RBP2: variants seen among roughly 807,000 people sequenced by gnomAD.
RBP2 encodes retinol binding protein 2, also known as retinol-binding protein 2.
Under a neutral mutation model 17.0 loss-of-function variants are expected in RBP2, and 17 were observed. That is an observed-to-expected ratio of 1.00 (90% confidence interval 0.68 to 1.50). RBP2 has a LOEUF of 1.50. Ranked by LOEUF, RBP2 falls within the 40% of genes most tolerant of loss-of-function variation. RBP2 has a pLI of 0.00. For missense variants in RBP2, 158 were observed against 168.2 expected, an observed-to-expected ratio of 0.94 and a Z score of 0.33; for synonymous variants, 48 against 57.1, an observed-to-expected ratio of 0.84 and a Z score of 0.72.
chr3:139,458,907 G>T lies in RBP2; in HGVS notation c.252+3205C>A, dbSNP rs114625795. 4.4e-3 allele frequency among the ~76,000 whole-genome samples: 675 copies of T among 152,228 alleles called. 7 individuals are homozygous for T. Among genetic ancestry groups the T allele is most frequent in the African/African-American group, 0.016 (657 of 41,532 alleles). On this transcript the variant is annotated intron_variant, in intron 2 of 3. Coordinates refer to ENST00000232217, the MANE Select transcript of RBP2 (RefSeq NM_004164.3). ...TTGGAAGGGGCTTTAACTTCTCTTA[G>T]AAATCAGCCAGGATAGGAAGTTGGG...
intron 2 of RBP2, 31 bp downstream of exon 2, chr3:139,462,081 G>A (rs1326056493): frequency 1.3e-6 from 2 of 1,599,366 alleles, no homozygotes; most frequent in Non-Finnish European, 1.7e-6. Context: ...CACAGAATGT[G>A]TGAATGAAAA....
intron 1 of RBP2, among the ~76,000 whole-genome samples, chr3:139,468,073 A>G (rs1933423470): frequency 6.6e-6 from 1 of 152,244 alleles, no homozygotes; most frequent in East Asian, 1.9e-4. Context: ...TCTGTTAACC[A>G]TAACCAGAAG....
chr3:139,474,981 T>C (rs558404212), intron 1 of RBP2, among the ~76,000 whole-genome samples: 7 of 152,114 alleles, frequency 4.6e-5, no homozygotes, highest in African/African-American at 1.7e-4. Flanking sequence ...AAAATCCTGC[T>C]AACCAGAATG....
At chr3:139,475,346 AAAG>A (rs1242305795) in intron 1 of RBP2, among the ~76,000 whole-genome samples, 2 of 151,258 alleles carry the variant, frequency 1.3e-5, no homozygotes, top group Non-Finnish European at 2.9e-5. Flanking sequence ...AAAAAAAAAA[AAAG>A]AACATGAAGA....
intron 3 of RBP2, among the ~76,000 whole-genome samples, chr3:139,453,532 G>T (rs1450629196): frequency 2.6e-5 from 4 of 152,242 alleles, no homozygotes; most frequent in Non-Finnish European, 5.9e-5. Context: ...GGCCTGAAAA[G>T]ATGCTGGCCA....
chr3:139,464,940 G>C (rs1933308578), intron 1 of RBP2, among the ~76,000 whole-genome samples: 1 of 152,134 alleles, frequency 6.6e-6, no homozygotes, highest in Non-Finnish European at 1.5e-5. Flanking sequence ...TTGTCCATAG[G>C]AGGCTGTTTG....
At chr3:139,469,728 TCTATCTAC>T (rs1367613572) in intron 1 of RBP2, among the ~76,000 whole-genome samples, 5 of 150,646 alleles carry the variant, frequency 3.3e-5, no homozygotes, top group African/African-American at 1.2e-4. Flanking sequence ...TATCTATCTA[TCTATCTAC>T]CTACTCATTT....
chr3:139,460,653 G>A (rs1933154914), intron 2 of RBP2, among the ~76,000 whole-genome samples: 1 of 152,154 alleles, frequency 6.6e-6, no homozygotes, highest in Non-Finnish European at 1.5e-5. Flanking sequence ...GAGTCTCTGG[G>A]TAGTGGCCTG....
At chr3:139,458,735 C>T (rs749850620) in intron 2 of RBP2, among the ~76,000 whole-genome samples, 20 of 152,336 alleles carry the variant, frequency 1.3e-4, no homozygotes, top group Middle Eastern at 3.4e-3. Flanking sequence ...GCTTCTCTCA[C>T]TTAGCTCGTT....
chr3:139,475,324 T>TAAAAAAAAAAA (rs397941333), intron 1 of RBP2, among the ~76,000 whole-genome samples: 3 of 71,600 alleles, frequency 4.2e-5, no homozygotes, highest in Admixed American at 2.0e-4. Context: ...GTCCCCAAAA[T>TAAAAAAAAAAA]AAAAAAAAAA....
chr3:139,463,579 C>T (rs894035682), intron 1 of RBP2, among the ~76,000 whole-genome samples: 1 of 152,158 alleles, frequency 6.6e-6, no homozygotes, highest in African/African-American at 2.4e-5. Flanking sequence ...ATGTCCTAAG[C>T]GTTGCATATT....
chr3:139,465,834 G>A (rs1933339469), intron 1 of RBP2, among the ~76,000 whole-genome samples: 1 of 152,160 alleles, frequency 6.6e-6, no homozygotes, highest in South Asian at 2.1e-4. Flanking sequence ...ACATTATCTG[G>A]CAGCTCATTT....
Position 139,462,096 on chromosome 3 carries a change from C to A in RBP2, c.252+16G>T. 1 of 1,606,618 alleles carries A rather than the reference C, an allele frequency of 6.2e-7. No individual in the cohort carries two copies. Among genetic ancestry groups the A allele is most frequent in the South Asian group, 1.1e-5 (1 of 90,592 alleles). On this transcript the variant is annotated intron_variant, in intron 2 of 3. Coordinates refer to ENST00000232217, the MANE Select transcript of RBP2 (RefSeq NM_004164.3). ...CACAGAATGTGTGAATGAAAAACAC[C>A]AGCCCCGGTCAGTACCTTAACATGC... is the stretch of plus-strand genomic sequence containing the variant.
At chr3:139,459,398 A>G (rs542678114) in intron 2 of RBP2, among the ~76,000 whole-genome samples, 323 of 36,172 alleles carry the variant, frequency 8.9e-3, no homozygotes, top group Non-Finnish European at 0.016. Context: ...TCTACTATAT[A>G]TATGTGTGTG....
In RBP2 at chr3:139,454,816, C is replaced by T; in HGVS notation, c.267G>A (p.Trp89Ter). The T allele has an allele frequency of 6.2e-7, 1 of 1,614,100 alleles. No homozygotes were observed. Among genetic ancestry groups the T allele is most frequent in the Non-Finnish European group, 8.5e-7 (1 of 1,179,926 alleles). The change falls in exon 3 of 4, where the codon TGG becomes TGA. Residue 89 changes from tryptophan to a stop codon, truncating the protein, a stop_gained. Coordinates refer to ENST00000232217, the MANE Select transcript of RBP2 (RefSeq NM_004164.3). LOFTEE classifies it high-confidence loss of function. ...DNRHVKALVT[W>*]EGDVLVCVQK... is the part of the protein sequence containing the mutation. ...GCACACACACAAGGACATCACCTTC[C>T]CAGGTGACCAGTGCCTGTAAAGACA...
chr3:139,459,541 T>G (rs1933113464), intron 2 of RBP2, among the ~76,000 whole-genome samples: 1 of 150,610 alleles, frequency 6.6e-6, no homozygotes, highest in Non-Finnish European at 1.5e-5. Flanking sequence ...GAGAATTGCT[T>G]GAACCTGGGA....
At chr3:139,458,823 C>A (rs1278451379) in intron 2 of RBP2, among the ~76,000 whole-genome samples, 1 of 152,222 alleles carries the variant, frequency 6.6e-6, no homozygotes, top group East Asian at 1.9e-4. Context: ...CATTCCATTA[C>A]ATGGGTATCA....
intron 3 of RBP2, 66 bp downstream of exon 3, chr3:139,454,663 G>A: frequency 6.7e-7 from 1 of 1,494,142 alleles, no homozygotes; most frequent in South Asian, 1.1e-5. Context: ...CAAAACACCT[G>A]GCTAGGTGAC....
chr3:139,464,179 T>C, intron 1 of RBP2, among the ~76,000 whole-genome samples: 1 of 152,184 alleles, frequency 6.6e-6, no homozygotes, highest in African/African-American at 2.4e-5. Context: ...CTTCTTTGGG[T>C]CTGGGCCTGG....
Sources: allele counts gnomAD v4.1 joint callset (sites outside exome capture counted in the v4.1 genomes callset), GRCh38; gene constraint gnomAD v4.1.1; transcripts MANE v1.5; gene names NCBI Gene and HGNC (gene_info 2026-07-23, HGNC 2026-07-21).